The following ATRNL1 variants were observed in gnomAD, a reference collection of about 807,000 sequenced individuals.
ATRNL1 encodes attractin-like protein 1.
A neutral mutation model predicts 182.7 loss-of-function variants in ATRNL1; 95 were observed. The ratio of observed to expected loss-of-function variants is 0.52; its 90% CI spans 0.44 to 0.62. The LOEUF is 0.62. Ranked by LOEUF, ATRNL1 falls within the 20% of genes least tolerant of loss-of-function variation. ATRNL1 has a pLI of 0.00. For synonymous variants in ATRNL1, 576 were observed against 568.3 expected (o/e 1.01, Z -0.19); for missense variants, 1,471 against 1,679.5 (o/e 0.88, Z 2.17).
At chr10:115,459,633 T>C (rs782224572) in intron 21 of ATRNL1, among the ~76,000 whole-genome samples, 21 of 152,146 alleles carry the variant, frequency 1.4e-4, no homozygotes, top group African/African-American at 4.8e-4. Flanking sequence ...AAAACTTCAT[T>C]AGCAATTTTA....
chr10:115,874,033 C>T (rs1002158907), intron 28 of ATRNL1, among the ~76,000 whole-genome samples: 12 of 152,300 alleles, frequency 7.9e-5, no homozygotes, highest in African/African-American at 2.4e-4. Context: ...AGAAATGGCA[C>T]CACCACTCTC....
intron 25 of ATRNL1, among the ~76,000 whole-genome samples, chr10:115,533,579 G>C (rs1242406854): frequency 6.6e-6 from 1 of 151,716 alleles, no homozygotes; most frequent in Non-Finnish European, 1.5e-5. Context: ...ATTTTTTGAA[G>C]GGTTTTTTTG....
intron 24 of ATRNL1, among the ~76,000 whole-genome samples, chr10:115,504,999 C>G (rs1303629591): frequency 1.3e-4 from 19 of 151,980 alleles, no homozygotes; most frequent in African/African-American, 4.6e-4. Flanking sequence ...AGCTAAATAG[C>G]CTTAAATTTG....
At chr10:115,564,875 T>TATTAG (rs1853982036) in intron 26 of ATRNL1, among the ~76,000 whole-genome samples, 1 of 152,020 alleles carries the variant, frequency 6.6e-6, no homozygotes. Flanking sequence ...TTTTTGCATG[T>TATTAG]AACTGTAAAG....
intron 24 of ATRNL1, among the ~76,000 whole-genome samples, chr10:115,514,623 A>G (rs1011554371): frequency 2.0e-5 from 3 of 151,892 alleles, no homozygotes; most frequent in Admixed American, 1.3e-4. Context: ...AGCCTGAATC[A>G]TGTGCTTCAT....
chr10:115,875,889 T>C (rs1256084091), intron 28 of ATRNL1, among the ~76,000 whole-genome samples: 1 of 152,198 alleles, frequency 6.6e-6, no homozygotes, highest in Non-Finnish European at 1.5e-5. Context: ...TCAAAAATGG[T>C]GTTCCTGAGT....
chr10:115,825,001 C>A (rs1298009950), intron 27 of ATRNL1, among the ~76,000 whole-genome samples: 5 of 152,116 alleles, frequency 3.3e-5, no homozygotes, highest in Non-Finnish European at 4.4e-5. Context: ...AAATGCCCAT[C>A]AATGATAAAC....
intron 5 of ATRNL1, among the ~76,000 whole-genome samples, chr10:115,131,417 T>C (rs1484409099): frequency 6.6e-6 from 1 of 152,118 alleles, no homozygotes; most frequent in Admixed American, 6.6e-5. Flanking sequence ...TGAGATAATA[T>C]GGTGTTTTCA....
In ATRNL1 at chr10:115,182,263, G is replaced by T. The variant is rs187752824; in HGVS notation, c.1348+10971G>T. Among the ~76,000 whole-genome samples, 12 of 151,520 alleles carry T rather than the reference G, an allele frequency of 7.9e-5. 1 individual carries two copies. In the East Asian group the frequency reaches 2.3e-3, roughly 29 times the overall value. On this transcript the variant is annotated intron_variant, in intron 8 of 28. Transcript: ENST00000355044. ...ATCATGATAAATGCTGATTACTATT[G>T]TTCTAGGTATACTGAGGATTAAAAC...
At chr10:115,165,909 G>A (rs573998114) in intron 7 of ATRNL1, among the ~76,000 whole-genome samples, 6 of 152,072 alleles carry the variant, frequency 3.9e-5, no homozygotes, top group Non-Finnish European at 5.9e-5. Context: ...AAATTATGGC[G>A]AAATACATGT....
intron 27 of ATRNL1, among the ~76,000 whole-genome samples, chr10:115,730,023 G>A (rs1417747818): frequency 1.3e-5 from 2 of 151,768 alleles, no homozygotes; most frequent in Admixed American, 6.6e-5. Context: ...TTGGGAGGCC[G>A]AGGTGGGTAG....
chr10:115,751,730 A>G (rs1186191863), intron 27 of ATRNL1, among the ~76,000 whole-genome samples: 1 of 152,080 alleles, frequency 6.6e-6, no homozygotes, highest in Non-Finnish European at 1.5e-5. Context: ...TATGCTGTGG[A>G]ATGATCTCAG....
intron 19 of ATRNL1, among the ~76,000 whole-genome samples, chr10:115,368,226 G>C (rs565185405): frequency 6.6e-6 from 1 of 152,204 alleles, no homozygotes; most frequent in Non-Finnish European, 1.5e-5. Context: ...ATAATCTCGC[G>C]GTGCGCCGTT....
chr10:115,805,878 C>T (rs1229555784), intron 27 of ATRNL1, among the ~76,000 whole-genome samples: 5 of 151,960 alleles, frequency 3.3e-5, no homozygotes, highest in African/African-American at 7.3e-5. Flanking sequence ...TGCATTTTCC[C>T]CAGCATGGTA....
intron 2 of ATRNL1, among the ~76,000 whole-genome samples, chr10:115,121,226 C>T (rs1307484660): frequency 6.6e-6 from 1 of 152,086 alleles, no homozygotes; most frequent in Non-Finnish European, 1.5e-5. Context: ...AATTCTCCTG[C>T]CTCAGCCTCC....
intron 28 of ATRNL1, among the ~76,000 whole-genome samples, chr10:115,911,065 T>C (rs1555115795): frequency 6.6e-6 from 1 of 152,108 alleles, no homozygotes. Flanking sequence ...AGTGCAATAG[T>C]GCGATCTTAG....
chr10:115,328,313 A>G (rs1350702432), intron 18 of ATRNL1, among the ~76,000 whole-genome samples: 1 of 152,146 alleles, frequency 6.6e-6, no homozygotes, highest in African/African-American at 2.4e-5. Context: ...GAAACAAAAT[A>G]TGCACATGTT....
intron 10 of ATRNL1, among the ~76,000 whole-genome samples, chr10:115,246,592 C>T (rs1413892976): frequency 3.3e-5 from 2 of 61,022 alleles, no homozygotes; most frequent in Non-Finnish European, 6.9e-5. Context: ...CTCGCTCTGT[C>T]GCCCAGGTCG....
chr10:115,537,838 A>G (rs1852128069), intron 25 of ATRNL1, among the ~76,000 whole-genome samples: 1 of 152,126 alleles, frequency 6.6e-6, no homozygotes, highest in Non-Finnish European at 1.5e-5. Context: ...ATACAGAACA[A>G]TGCCAAAGCC....
Sources: gnomAD v4.1 joint callset for allele counts (sites outside exome capture counted in the v4.1 genomes callset) on GRCh38, gnomAD v4.1.1 for gene constraint, MANE v1.5 for transcripts, NCBI Gene and HGNC (gene_info 2026-07-23, HGNC 2026-07-21) for gene names.